Variants in GPER1 observed in about 807,000 individuals in gnomAD.
GPER1 encodes the protein G protein-coupled estrogen receptor 1.
Under a neutral mutation model 0.6 loss-of-function variants are expected in GPER1, and 2 were observed. The observed-to-expected ratio is 3.41, with a 90% confidence interval of 1.39 to 10.72. The LOEUF is 10.72. Ranked by LOEUF, GPER1 falls within the 30% of genes most tolerant of loss-of-function variation. GPER1 has a pLI of 0.04. For missense variants in GPER1, 441 were observed against 535.2 expected (o/e 0.82, Z 1.74); for synonymous variants, 263 against 247.6 (o/e 1.06, Z -0.58).
rs1350931408 is a variant in GPER1, at chr7:1,092,631, C to T, written c.903C>T (p.Ala301=). 2 of 1,612,584 alleles carry T rather than the reference C, an allele frequency of 1.2e-6. No individual in the cohort carries two copies. Among genetic ancestry groups the T allele is most frequent in the Non-Finnish European group, 1.7e-6 (2 of 1,179,962 alleles). ...AAPCKQSFRH[A]HPLTGHIVNL... is the part of the protein sequence containing the mutation. The stretch of plus-strand genomic sequence containing the variant: ...CCTGCAAGCAGTCTTTCCGCCATGC[C>T]CACCCCCTCACGGGCCACATTGTCA... Residue 301 remains alanine (A), a synonymous_variant, in exon 2 of 2, where the codon GCC becomes GCT. Coordinates refer to ENST00000397088, the MANE Select transcript of GPER1 (RefSeq NM_001098201.3).
rs752074660 is a variant in GPER1 at position 1,092,917 on chromosome 7, G to C, written c.*61G>C. On this transcript the variant is annotated 3_prime_UTR_variant, in exon 2 of 2. Coordinates refer to ENST00000397088, the MANE Select transcript of GPER1 (RefSeq NM_001098201.3). The stretch of plus-strand genomic sequence containing the variant: ...CTCGGGAGCTGCACACACCTGGGTG[G>C]ACACAAGGCACGGCCACGTCATGTC... 2.7e-6 allele frequency: 4 copies of C among 1,485,500 alleles called. No individual in the cohort carries two copies. Among genetic ancestry groups the C allele is most frequent in the Non-Finnish European group, 3.7e-6 (4 of 1,072,466 alleles). 92.0% of individuals were successfully genotyped at this position (1,485,500 alleles called of 1,614,324 possible).
In GPER1 at chr7:1,092,823, G is replaced by GCAGT. The variant is rs765275169; in HGVS notation, c.1097_1100dup (p.Asp368ValfsTer22). The stretch of plus-strand genomic sequence containing the variant: ...AGGCCGTCATTCCAGACAGCACCGA[G>GCAGT]CAGTCGGATGTGAGGTTCAGCAGTG... On this transcript the variant is annotated frameshift_variant, in exon 2 of 2. Transcript: ENST00000397088. LOFTEE classifies it high-confidence loss of function. The GCAGT allele has an allele frequency of 4.6e-5, 75 of 1,613,154 alleles. No individual in the cohort carries two copies. Among genetic ancestry groups the GCAGT allele is most frequent in the Non-Finnish European group, 6.4e-5 (75 of 1,179,936 alleles).
rs960212727 is a variant in GPER1 at position 1,091,431 on chromosome 7, C to T, written c.-298C>T. On this transcript the variant is annotated 5_prime_UTR_variant, in exon 2 of 2. The change creates a new upstream start codon in the 5' untranslated region. Transcript: ENST00000397088. Reference sequence around the variant, plus strand: ...GGTACCCAGAGAGTGAGCAGCTCCACGCGGGACTGTGCACGGTGGCCGACA... The same window carrying T: ...GGTACCCAGAGAGTGAGCAGCTCCATGCGGGACTGTGCACGGTGGCCGACA... The T allele has an allele frequency of 1.1e-5, 4 of 378,454 alleles. No individual in the cohort carries two copies. The highest frequency in any genetic ancestry group is 5.5e-5 in the South Asian group (1 of 18,160). 23.4% of individuals were successfully genotyped at this position (378,454 alleles called of 1,614,324 possible).
chr7:1,093,310 G>A lies in GPER1; in HGVS notation c.*454G>A, dbSNP rs2128227620. 3 of 427,456 alleles carry A rather than the reference G, an allele frequency of 7.0e-6. No homozygotes were observed. The Admixed American group carries it at 7.6e-5, about 11-fold the overall frequency. The allele number at this position is 427,456 out of a possible 1,614,324, so 26.5% of individuals were successfully genotyped here. On this transcript the variant is annotated 3_prime_UTR_variant, in exon 2 of 2. Transcript: ENST00000397088. ...GGAACTGACGCTGGAGATGCAAGGT[G>A]CTGGTGGGTCTGAGCTGGACGTCGC...
At position 1,093,766 on chromosome 7, in the gene GPER1, G is replaced by C. The variant is rs1317076972; in HGVS notation, c.*910G>C. 7 of 443,708 alleles carry C rather than the reference G, an allele frequency of 1.6e-5. No individual in the cohort carries two copies. Among genetic ancestry groups the C allele is most frequent in the Non-Finnish European group, 2.9e-5 (6 of 210,204 alleles). 27.5% of individuals were successfully genotyped at this position (443,708 alleles called of 1,614,324 possible). A position where few individuals can be genotyped will look rare whatever the true frequency, so the allele number is the denominator to read the frequency against. On this transcript the variant is annotated 3_prime_UTR_variant, in exon 2 of 2. Coordinates refer to ENST00000397088, the MANE Select transcript of GPER1 (RefSeq NM_001098201.3). The stretch of plus-strand genomic sequence containing the variant: ...CATAAAATGTAAGAAAAGCTGATGA[G>C]GCTGGTGACGTTCAGCCTTTGTCAA...
rs1189120852 is a variant in GPER1 at position 1,093,563 on chromosome 7, TC to T, written c.*708del. ...CGCCGTCTGCTCCGGGGTGGTTCAG[TC>T]ACTGCTTGTTGACATCAACATGGCA... On this transcript the variant is annotated 3_prime_UTR_variant, in exon 2 of 2. Transcript: ENST00000397088. The T allele has an allele frequency of 2.1e-6, 1 of 471,096 alleles. No homozygotes were observed. 29.2% of individuals were successfully genotyped at this position (471,096 alleles called of 1,614,324 possible). A position where few individuals can be genotyped will look rare whatever the true frequency, so the allele number is the denominator to read the frequency against.
At chr7:1,090,582 C>T (rs1311518776) in intron 1 of GPER1, among the ~76,000 whole-genome samples, 4 of 148,322 alleles carry the variant, frequency 2.7e-5, no homozygotes, top group South Asian at 2.1e-4. Context: ...GGGCGGGTGA[C>T]GGGACCTCTC....
chr7:1,092,806 A>T lies in GPER1; in HGVS notation c.1078A>T (p.Ile360Phe). The change falls in exon 2 of 2, where the codon ATT (isoleucine) becomes TTT (phenylalanine). Residue 360 changes from isoleucine (I) to phenylalanine (F), a missense_variant. By Grantham distance (21) the Ile-to-Phe change is conservative. Transcript: ENST00000397088. ...CTGTCACGCTGCCCTGAAGGCCGTC[A>T]TTCCAGACAGCACCGAGCAGTCGGA... ...RFCHAALKAV[I>F]PDSTEQSDVR... 6.2e-7 allele frequency: 1 copy of T among 1,613,534 alleles called. No homozygotes were observed. Among genetic ancestry groups the T allele is most frequent in the Non-Finnish European group, 8.5e-7 (1 of 1,180,008 alleles).
chr7:1,091,854 G>A lies in GPER1; in HGVS notation c.126G>A (p.Leu42=). The change falls in exon 2 of 2, where the codon CTG becomes CTA. Residue 42 remains leucine, a synonymous_variant. Coordinates refer to ENST00000397088, the MANE Select transcript of GPER1 (RefSeq NM_001098201.3). ...CCCACCCGCTCCTGGGCACCGCCCT[G>A]GCCAATGGGACAGGTGAGCTCTCGG... The part of the protein sequence containing the change: ...NLSHPLLGTA[L]ANGTGELSEH... The A allele has an allele frequency of 6.2e-7, 1 of 1,612,552 alleles. No homozygotes were observed. The highest frequency in any genetic ancestry group is 8.5e-7 in the Non-Finnish European group (1 of 1,178,980).
At position 1,092,623 on chromosome 7, in the gene GPER1, C is replaced by T. The variant is rs375845162; in HGVS notation, c.895C>T (p.Arg299Cys). Residue 299 changes from arginine (R) to cysteine (C), a missense_variant, in exon 2 of 2, where the codon CGC (arginine) becomes TGC (cysteine). Physicochemically the swap from Arg to Cys is radical, Grantham distance 180. Transcript: ENST00000397088. ...PGAAPCKQSFRHAHPLTGHIV... is the reference protein window; with the variant it reads ...PGAAPCKQSFCHAHPLTGHIV... Reference sequence around the variant, plus strand: ...GGCCGCTCCCTGCAAGCAGTCTTTCCGCCATGCCCACCCCCTCACGGGCCA... The same window carrying T: ...GGCCGCTCCCTGCAAGCAGTCTTTCTGCCATGCCCACCCCCTCACGGGCCA... The T allele has an allele frequency of 1.2e-5, 19 of 1,612,314 alleles. No individual in the cohort carries two copies. The highest frequency in any genetic ancestry group is 1.5e-5 in the Non-Finnish European group (18 of 1,179,932).
intron 1 of GPER1, among the ~76,000 whole-genome samples, chr7:1,089,103 T>C (rs993989002): frequency 6.6e-6 from 1 of 152,122 alleles, no homozygotes; most frequent in East Asian, 1.9e-4. Flanking sequence ...TTCCAAAATT[T>C]CTACATTTAA....
chr7:1,089,022 G>C (rs1279136010), intron 1 of GPER1, among the ~76,000 whole-genome samples: 1 of 152,092 alleles, frequency 6.6e-6, no homozygotes, highest in Non-Finnish European at 1.5e-5. Flanking sequence ...ACAAAATTAG[G>C]AAAGAAAATA....
chr7:1,088,751 A>G lies in GPER1; in HGVS notation c.-323+430A>G, dbSNP rs1319285581. 6.6e-6 allele frequency among the ~76,000 whole-genome samples: 1 copy of G among 152,144 alleles called. No individual in the cohort carries two copies. The highest frequency in any genetic ancestry group is 2.4e-5 in the African/African-American group (1 of 41,414). ...ATACAGCTGACTAAAGTGTGGCTTT[A>G]TTTCTCTATGACAAGCAGAGGAAAT... is the stretch of plus-strand genomic sequence containing the variant. On this transcript the variant is annotated intron_variant, in intron 1 of 1. Transcript: ENST00000397088. The surrounding 1 kb of genome is among the most constrained non-coding windows in gnomAD (Gnocchi z 4.5).
At position 1,088,156 on chromosome 7, in the gene GPER1, T is replaced by G. The variant is rs1290846274; in HGVS notation, c.-488T>G. 6.6e-6 allele frequency: 1 copy of G among 152,394 alleles called. No individual in the cohort carries two copies. The highest frequency in any genetic ancestry group is 1.9e-4 in the East Asian group (1 of 5,186). The allele number at this position is 152,394 out of a possible 1,614,324, so 9.4% of individuals were successfully genotyped here. On this transcript the variant is annotated 5_prime_UTR_variant, in exon 1 of 2. Transcript: ENST00000397088. The surrounding 1 kb of genome is among the most constrained non-coding windows in gnomAD (Gnocchi z 4.5). ...CGCACCCGCCAGCCAGCCGGGAACC[T>G]TCCCTCGCGGGCTCCCAGGGCGGGT... is the stretch of plus-strand genomic sequence containing the variant.
chr7:1,093,620 G>C lies in GPER1; in HGVS notation c.*764G>C. The C allele has an allele frequency of 2.1e-6, 1 of 471,252 alleles. No individual in the cohort carries two copies. The highest frequency in any genetic ancestry group is 1.5e-5 in the South Asian group (1 of 64,572). The allele number at this position is 471,252 out of a possible 1,614,324, so 29.2% of individuals were successfully genotyped here. A position where few individuals can be genotyped will look rare whatever the true frequency, so the allele number is the denominator to read the frequency against. On this transcript the variant is annotated 3_prime_UTR_variant, in exon 2 of 2. Coordinates refer to ENST00000397088, the MANE Select transcript of GPER1 (RefSeq NM_001098201.3). ...ACTCATGTGGACTGGGACCGTGCGA[G>C]CTGCCGTGTGGGTTAGTCGGGTGCC... is the stretch of plus-strand genomic sequence containing the variant.
At position 1,093,200 on chromosome 7, in the gene GPER1, C is replaced by T. The variant is rs879772687; in HGVS notation, c.*344C>T. The T allele has an allele frequency of 1.2e-5, 6 of 518,194 alleles. No individual in the cohort carries two copies. Among genetic ancestry groups the T allele is most frequent in the African/African-American group, 5.8e-5 (3 of 51,998 alleles). 32.1% of individuals were successfully genotyped at this position (518,194 alleles called of 1,614,324 possible). On this transcript the variant is annotated 3_prime_UTR_variant, in exon 2 of 2. Coordinates refer to ENST00000397088, the MANE Select transcript of GPER1 (RefSeq NM_001098201.3). Reference sequence around the variant, plus strand: ...CTGCAGGAAACATTTCTGACACCGTCGACCAGGAAAGCCACACGGAGAGGC... The same window carrying T: ...CTGCAGGAAACATTTCTGACACCGTTGACCAGGAAAGCCACACGGAGAGGC...
Position 1,093,387 on chromosome 7 carries a change from A to C in GPER1, c.*531A>C, listed in dbSNP as rs550700139. ...AGCTAGCTAGCGCACCGCCGAGTTA[A>C]AGAGGAGAAGGAAAACATGCTGCTC... On this transcript the variant is annotated 3_prime_UTR_variant, in exon 2 of 2. Coordinates refer to ENST00000397088, the MANE Select transcript of GPER1 (RefSeq NM_001098201.3). 2.0e-5 allele frequency: 9 copies of C among 445,452 alleles called. No individual in the cohort carries two copies. Among genetic ancestry groups the C allele is most frequent in the South Asian group, 1.1e-4 (7 of 61,656 alleles). The allele number at this position is 445,452 out of a possible 1,614,324, so 27.6% of individuals were successfully genotyped here.
chr7:1,091,471 C>A lies in GPER1; in HGVS notation c.-258C>A. On this transcript the variant is annotated 5_prime_UTR_variant, in exon 2 of 2. Transcript: ENST00000397088. ...GGTGGCCGACACCCGCAGGGACGCC[C>A]GCCGGACGAGCACGCGGAGGGCCCT... 4.3e-6 allele frequency: 2 copies of A among 468,100 alleles called. No homozygotes were observed. Among genetic ancestry groups the A allele is most frequent in the Non-Finnish European group, 7.6e-6 (2 of 264,480 alleles). The allele number at this position is 468,100 out of a possible 1,614,324, so 29.0% of individuals were successfully genotyped here.
At chr7:1,088,075 G>C (rs1419360238), upstream of GPER1, 1 of 152,346 alleles carries the variant, frequency 6.6e-6, no homozygotes, top group African/African-American at 2.4e-5. The surrounding 1 kb of genome is among the most constrained non-coding windows in gnomAD (Gnocchi z 4.5). Flanking sequence ...GAGCGGGGCG[G>C]AGGGGGCCTA....
Sources: allele counts gnomAD v4.1 joint callset (sites outside exome capture counted in the v4.1 genomes callset), GRCh38; gene constraint gnomAD v4.1.1; non-coding constraint Gnocchi (gnomAD v3.1); transcripts MANE v1.5; gene names NCBI Gene and HGNC (gene_info 2026-07-23, HGNC 2026-07-21).